Variants in SGMS1 observed in about 807,000 individuals in gnomAD.
SGMS1 encodes the protein sphingomyelin synthase 1.
In SGMS1, 13 loss-of-function variants were observed where a neutral mutation model predicts 46.2. That is an observed-to-expected ratio of 0.28 (90% CI 0.18 to 0.45). The LOEUF (loss-of-function observed/expected upper bound fraction) is 0.45. SGMS1 is among the 20% of genes least tolerant of loss of function. The pLI, the probability that SGMS1 is intolerant of heterozygous loss-of-function variation, is 1.00. For missense variants in SGMS1, 324 were observed against 519.9 expected, an observed-to-expected ratio of 0.62 and a Z score of 3.66; for synonymous variants, 203 against 187.8, an observed-to-expected ratio of 1.08 and a Z score of -0.66.
chr10:50,327,423 T>C, intron 7 of SGMS1, 101 bp from the exon 8 acceptor site: 1 of 723,292 alleles, frequency 1.4e-6, no homozygotes, highest in Non-Finnish European at 2.4e-6. Context: ...CCCCAAAAAC[T>C]ACTTGAGAAC....
intron 3 of SGMS1, among the ~76,000 whole-genome samples, chr10:50,469,440 T>C (rs1837359598): frequency 1.3e-5 from 2 of 152,178 alleles, no homozygotes; most frequent in Non-Finnish European, 2.9e-5. Context: ...TAGTAAAAGC[T>C]GCAGGCTTGA....
intron 2 of SGMS1, among the ~76,000 whole-genome samples, chr10:50,530,068 C>T (rs1424766070): frequency 1.3e-5 from 2 of 152,180 alleles, no homozygotes; most frequent in Admixed American, 6.5e-5. Context: ...AATCATCATC[C>T]CATCTCCTGA....
At chr10:50,356,420 G>A (rs569622036) in intron 6 of SGMS1, among the ~76,000 whole-genome samples, 44 of 152,156 alleles carry the variant, frequency 2.9e-4, no homozygotes, top group African/African-American at 8.7e-4. Context: ...CAAACACTGC[G>A]GAAGGCGGAA....
chr10:50,544,973 G>A (rs1256309736), intron 2 of SGMS1, among the ~76,000 whole-genome samples: 1 of 152,166 alleles, frequency 6.6e-6, no homozygotes, highest in Admixed American at 6.5e-5. Flanking sequence ...GCTTCTTTAT[G>A]AAGGAGCACA....
rs538739860 is a variant in SGMS1, at chr10:50,523,911, A to G, written c.-588-3990T>C. On this transcript the variant is annotated intron_variant, in intron 2 of 10. Coordinates refer to ENST00000361781, the MANE Select transcript of SGMS1 (RefSeq NM_147156.4). Reference sequence around the variant, plus strand: ...TCAAGGCACACGTGTGCACATGCGCACACACACACGCAGCATTCCAAACAC... The same window carrying G: ...TCAAGGCACACGTGTGCACATGCGCGCACACACACGCAGCATTCCAAACAC... 2.3e-4 allele frequency among the ~76,000 whole-genome samples: 35 copies of G among 152,350 alleles called. 1 individual carries two copies. The highest frequency in any genetic ancestry group is 1.8e-3 in the Admixed American group (27 of 15,306).
rs900270648 is a variant in SGMS1 at position 50,623,911 on chromosome 10, C to G, written c.-888G>C. On this transcript the variant is annotated 5_prime_UTR_variant, in exon 1 of 11. Coordinates refer to ENST00000361781, the MANE Select transcript of SGMS1 (RefSeq NM_147156.4). ...CGCCTGCCGCCCGCAGCCGCTGCCCCGCTGGTGCGAACGCTTTCGACTTGC... is the reference window on the plus strand; with the variant it reads ...CGCCTGCCGCCCGCAGCCGCTGCCCGGCTGGTGCGAACGCTTTCGACTTGC... 2 of 986,950 alleles carry G rather than the reference C, an allele frequency of 2.0e-6. No homozygotes were observed. The highest frequency in any genetic ancestry group is 2.4e-6 in the Non-Finnish European group (2 of 831,300). 61.1% of individuals were successfully genotyped at this position (986,950 alleles called of 1,614,324 possible).
At chr10:50,623,527 G>A (rs1838877765) in intron 1 of SGMS1, 180 bp downstream of exon 1, 8 of 959,146 alleles carry the variant, frequency 8.3e-6, no homozygotes, top group Middle Eastern at 5.3e-4. Context: ...CACGGGAGCA[G>A]CAGCTCTGGA....
At chr10:50,426,170 T>C (rs1588814074) in intron 6 of SGMS1, among the ~76,000 whole-genome samples, 1 of 152,306 alleles carries the variant, frequency 6.6e-6, no homozygotes, top group Non-Finnish European at 1.5e-5. Context: ...TTCACCAAAA[T>C]GTTAACATAA....
At chr10:50,324,544 C>A (rs948123180) in intron 8 of SGMS1, among the ~76,000 whole-genome samples, 3 of 152,224 alleles carry the variant, frequency 2.0e-5, no homozygotes, top group African/African-American at 7.2e-5. Flanking sequence ...TTCAGATACT[C>A]GTTCTCAGTG....
At chr10:50,378,743 G>C (rs968178840) in intron 6 of SGMS1, among the ~76,000 whole-genome samples, 2 of 152,150 alleles carry the variant, frequency 1.3e-5, no homozygotes, top group Non-Finnish European at 2.9e-5. Context: ...CACTACTAGT[G>C]TCTAGTGAAT....
At chr10:50,326,597 C>A (rs1443527257) in intron 8 of SGMS1, among the ~76,000 whole-genome samples, 1 of 152,104 alleles carries the variant, frequency 6.6e-6, no homozygotes, top group East Asian at 1.9e-4. Flanking sequence ...CCAACGATCA[C>A]CCTAGTTAAA....
chr10:50,602,783 C>A (rs1274523397), intron 1 of SGMS1, among the ~76,000 whole-genome samples: 2 of 151,972 alleles, frequency 1.3e-5, no homozygotes, highest in Admixed American at 1.3e-4. Context: ...AATATTTTAA[C>A]AATAAAAAAA....
chr10:50,493,705 G>GAA (rs145224963), intron 3 of SGMS1, among the ~76,000 whole-genome samples: 6 of 146,116 alleles, frequency 4.1e-5, no homozygotes, highest in African/African-American at 1.5e-4. Context: ...ACAATCATAT[G>GAA]AAAAAAAAAA....
chr10:50,319,117 G>A (rs1216817735), intron 8 of SGMS1, among the ~76,000 whole-genome samples: 1 of 150,104 alleles, frequency 6.7e-6, no homozygotes, highest in African/African-American at 2.5e-5. Context: ...TTTAAGTGTT[G>A]GAGGATCCTT....
At chr10:50,590,426 A>G (rs1231526836) in intron 1 of SGMS1, among the ~76,000 whole-genome samples, 179 bp from the exon 2 acceptor site, 1 of 152,246 alleles carries the variant, frequency 6.6e-6, no homozygotes, top group Non-Finnish European at 1.5e-5. Context: ...TATTGAATGT[A>G]GGGAACAACT....
chr10:50,461,585 G>A (rs1354240278), intron 4 of SGMS1, among the ~76,000 whole-genome samples: 1 of 151,976 alleles, frequency 6.6e-6, no homozygotes, highest in Non-Finnish European at 1.5e-5. Flanking sequence ...GATCATATAA[G>A]CCCTGCAGTA....
intron 5 of SGMS1, among the ~76,000 whole-genome samples, chr10:50,459,550 C>T (rs1837238393): frequency 6.6e-6 from 1 of 152,104 alleles, no homozygotes; most frequent in African/African-American, 2.4e-5. Flanking sequence ...ACTACAGGCA[C>T]CCGCCACCAT....
intron 8 of SGMS1, among the ~76,000 whole-genome samples, chr10:50,312,628 T>G (rs969036419): frequency 6.6e-6 from 1 of 152,190 alleles, no homozygotes; most frequent in Non-Finnish European, 1.5e-5. Flanking sequence ...GAAAATGATT[T>G]CCCACTTAGA....
At chr10:50,389,665 A>G (rs1418570409) in intron 6 of SGMS1, among the ~76,000 whole-genome samples, 2 of 152,248 alleles carry the variant, frequency 1.3e-5, no homozygotes, top group African/African-American at 4.8e-5. Flanking sequence ...ATGTCTCATC[A>G]GGCTCTACCA....
Sources: allele counts gnomAD v4.1 joint callset (sites outside exome capture counted in the v4.1 genomes callset), GRCh38; gene constraint gnomAD v4.1.1; transcripts MANE v1.5; gene names NCBI Gene and HGNC (gene_info 2026-07-23, HGNC 2026-07-21).